SLC23A2: variants seen among roughly 807,000 people sequenced by gnomAD.
SLC23A2 encodes Na(+)/L-ascorbic acid transporter 2.
In SLC23A2, 36 loss-of-function variants were observed where a neutral mutation model predicts 73.3. That is an observed-to-expected ratio of 0.49 (90% CI 0.38 to 0.65). The LOEUF (loss-of-function observed/expected upper bound fraction) is 0.65. SLC23A2 is among the 30% of genes least tolerant of loss of function. The pLI, the probability that SLC23A2 is intolerant of heterozygous loss-of-function variation, is 0.00. For missense variants in SLC23A2, 507 were observed against 841.6 expected (o/e 0.60, Z 4.92); for synonymous variants, 343 against 327.3 (o/e 1.05, Z -0.52).
intron 15 of SLC23A2, 21 bp downstream of exon 15, chr20:4,861,927 A>T: frequency 6.2e-7 from 1 of 1,612,908 alleles, no homozygotes. Flanking sequence ...CCACTCCAAG[A>T]TGTAAAGCCC....
Position 4,932,725 on chromosome 20 carries a change from G to C in SLC23A2, c.-154-9C>G, listed in dbSNP as rs1600146180. 1 of 589,148 alleles carries C rather than the reference G, an allele frequency of 1.7e-6. No individual in the cohort carries two copies. The highest frequency in any genetic ancestry group is 3.0e-6 in the Non-Finnish European group (1 of 331,270). The allele number at this position is 589,148 out of a possible 1,614,324, so 36.5% of individuals were successfully genotyped here. A position where few individuals can be genotyped will look rare whatever the true frequency, so the allele number is the denominator to read the frequency against. On this transcript the variant is annotated splice_polypyrimidine_tract_variant and intron_variant, in intron 2 of 16. Transcript: ENST00000338244. ...ACGGCATCTCTTAGCACCTAGAAAA[G>C]AAGAGCACAGCCAAATCACCCCAAA...
chr20:4,862,134 G>A lies in SLC23A2; in HGVS notation c.1487-49C>T, dbSNP rs1348150318. ...CAAGCTCCAGCACCACTACAGCGGGGACAGCTCAAGGCAGGTGAGGGCAGG... is the reference window on the plus strand; with the variant it reads ...CAAGCTCCAGCACCACTACAGCGGGAACAGCTCAAGGCAGGTGAGGGCAGG... On this transcript the variant is annotated intron_variant, in intron 14 of 16. Transcript: ENST00000338244. The surrounding 1 kb of genome is among the most constrained non-coding windows in gnomAD (Gnocchi z 5.1). 1.2e-6 allele frequency: 2 copies of A among 1,602,502 alleles called. No individual in the cohort carries two copies. Among genetic ancestry groups the A allele is most frequent in the Non-Finnish European group, 1.7e-6 (2 of 1,172,520 alleles).
At chr20:4,986,649 T>TACACACACACAC (rs55738084) in intron 1 of SLC23A2, among the ~76,000 whole-genome samples, 7 of 129,806 alleles carry the variant, frequency 5.4e-5, no homozygotes, top group South Asian at 2.8e-4. Flanking sequence ...CATACACACA[T>TACACACACACAC]ACACACACAC....
intron 13 of SLC23A2, among the ~76,000 whole-genome samples, chr20:4,865,662 T>G (rs1930164949): frequency 6.6e-6 from 1 of 151,992 alleles, no homozygotes; most frequent in Non-Finnish European, 1.5e-5. Flanking sequence ...CTACAACAAT[T>G]TTACTCCTAC....
chr20:4,951,843 C>T (rs2087207357), intron 2 of SLC23A2, among the ~76,000 whole-genome samples: 1 of 152,032 alleles, frequency 6.6e-6, no homozygotes, highest in Admixed American at 6.5e-5. Context: ...GTGGCTCACA[C>T]CTGTAATCCT....
At chr20:4,889,868 G>A (rs1931258702) in intron 6 of SLC23A2, among the ~76,000 whole-genome samples, 2 of 152,086 alleles carry the variant, frequency 1.3e-5, no homozygotes, top group African/African-American at 2.4e-5. Context: ...AAGAGGTTAA[G>A]TCTTTGTGGC....
intron 2 of SLC23A2, among the ~76,000 whole-genome samples, chr20:4,942,799 C>A (rs557746210): frequency 6.6e-6 from 1 of 152,162 alleles, no homozygotes; most frequent in Admixed American, 6.5e-5. Context: ...GAAAGAACCA[C>A]CAAATCCTAA....
intron 3 of SLC23A2, among the ~76,000 whole-genome samples, chr20:4,926,413 T>C (rs1932670593): frequency 6.6e-6 from 1 of 152,112 alleles, no homozygotes; most frequent in Non-Finnish European, 1.5e-5. Flanking sequence ...GTCCAAGAAC[T>C]GCTGAGCAAA....
At chr20:4,860,800 G>A (rs903836467) in intron 15 of SLC23A2, among the ~76,000 whole-genome samples, 1 of 152,140 alleles carries the variant, frequency 6.6e-6, no homozygotes, top group Admixed American at 6.5e-5. Flanking sequence ...CAACACTTTG[G>A]GAGGCCAATG....
rs202125400 is a variant in SLC23A2, at chr20:4,862,794, C to T, written c.1470G>A (p.Leu490=). ...ASLPDPVLGA[L]FCTLFGMITA... ...GAGTCTTACCAAAGAGCGTGCAGAACAGGGCTCCCAGCACAGGATCCGGAA... is the reference window on the plus strand; with the variant it reads ...GAGTCTTACCAAAGAGCGTGCAGAATAGGGCTCCCAGCACAGGATCCGGAA... Residue 490 remains leucine, a synonymous_variant, in exon 14 of 17, where the codon CTG becomes CTA. Coordinates refer to ENST00000338244, the MANE Select transcript of SLC23A2 (RefSeq NM_005116.6). The surrounding 1 kb of genome is among the most constrained non-coding windows in gnomAD (Gnocchi z 5.1). 1 of 1,613,854 alleles carries T rather than the reference C, an allele frequency of 6.2e-7. No homozygotes were observed. Among genetic ancestry groups the T allele is most frequent in the South Asian group, 1.1e-5 (1 of 91,076 alleles).
intron 2 of SLC23A2, among the ~76,000 whole-genome samples, chr20:4,963,054 G>A (rs1448660812): frequency 6.6e-6 from 1 of 152,114 alleles, no homozygotes; most frequent in Non-Finnish European, 1.5e-5. Context: ...AACAGTGGTA[G>A]TTGAATTAAG....
chr20:4,940,459 T>TAA (rs756616250), intron 2 of SLC23A2, among the ~76,000 whole-genome samples: 34 of 146,546 alleles, frequency 2.3e-4, no homozygotes, highest in Admixed American at 5.5e-4. Context: ...TATTAGTCAT[T>TAA]AAAAAAAAAA....
chr20:4,857,930 T>TC lies in SLC23A2; in HGVS notation c.1721-727_1721-726insG. 6.6e-6 allele frequency among the ~76,000 whole-genome samples: 1 copy of TC among 150,824 alleles called. No homozygotes were observed. Among genetic ancestry groups the TC allele is most frequent in the Non-Finnish European group, 1.5e-5 (1 of 67,940 alleles). On this transcript the variant is annotated intron_variant, in intron 16 of 16. Transcript: ENST00000338244. This position sits in a 1 kb window ranked among gnomAD's most constrained non-coding sequence, Gnocchi z 4.0. ...TGGGCAACAGAGCAAGACTCTGTCTTAAAAACAAAACAAAACAAAACAAAA... is the reference window on the plus strand; with the variant it reads ...TGGGCAACAGAGCAAGACTCTGTCTTCAAAAACAAAACAAAACAAAACAAAA...
chr20:4,910,410 C>A (rs558077384), intron 4 of SLC23A2, among the ~76,000 whole-genome samples: 2 of 150,868 alleles, frequency 1.3e-5, no homozygotes, highest in Admixed American at 6.6e-5. Flanking sequence ...CGCTGAGGGT[C>A]TGGCTTAATG....
At chr20:4,879,471 T>C (rs936490399) in intron 9 of SLC23A2, among the ~76,000 whole-genome samples, 1 of 141,066 alleles carries the variant, frequency 7.1e-6, no homozygotes, top group Non-Finnish European at 1.5e-5. Context: ...GCAACAAGGA[T>C]GTAGGTTGAA....
At chr20:4,967,557 C>A (rs904385324) in intron 2 of SLC23A2, among the ~76,000 whole-genome samples, 1 of 152,174 alleles carries the variant, frequency 6.6e-6, no homozygotes, top group African/African-American at 2.4e-5. Flanking sequence ...ATATTTAATT[C>A]TCTTTGCTAC....
intron 1 of SLC23A2, among the ~76,000 whole-genome samples, chr20:4,987,503 T>C (rs1011772276): frequency 3.3e-5 from 5 of 152,042 alleles, no homozygotes; most frequent in Non-Finnish European, 5.9e-5. Context: ...ACCAAGAATA[T>C]CTGTGAGGAT....
intron 5 of SLC23A2, among the ~76,000 whole-genome samples, chr20:4,901,143 G>T (rs1035967016): frequency 2.0e-5 from 3 of 152,148 alleles, no homozygotes; most frequent in Admixed American, 6.5e-5. Flanking sequence ...AGGTAGACTA[G>T]TTGCCGAGGC....
intron 16 of SLC23A2, 34 bp downstream of exon 16, chr20:4,859,251 TAAAA>T: frequency 9.9e-7 from 1 of 1,008,386 alleles, no homozygotes; most frequent in Non-Finnish European, 1.4e-6. Context: ...TGTTAAAAAA[TAAAA>T]AAAAAAAAAG....
Sources: gnomAD v4.1 joint callset for allele counts (sites outside exome capture counted in the v4.1 genomes callset) on GRCh38, gnomAD v4.1.1 for gene constraint, Gnocchi (gnomAD v3.1) non-coding constraint, MANE v1.5 for transcripts, NCBI Gene and HGNC (gene_info 2026-07-23, HGNC 2026-07-21) for gene names.